Variants in HMCN1 observed in about 807,000 individuals in gnomAD.
HMCN1 encodes the protein hemicentin 1.
In HMCN1, 321 loss-of-function variants were observed where a neutral mutation model predicts 625.9. That is an observed-to-expected ratio of 0.51 (90% CI 0.47 to 0.56). HMCN1 has a LOEUF of 0.56. Ranked by LOEUF, HMCN1 falls within the 20% of genes least tolerant of loss-of-function variation. The probability of loss-of-function intolerance (pLI) is 0.00; values close to 1 mark genes in which losing one functional copy is unlikely to be tolerated. For synonymous variants in HMCN1, 2,425 were observed against 2,417.6 expected, an observed-to-expected ratio of 1.00 and a Z score of -0.09; for missense variants, 6,588 against 6,887.3, an observed-to-expected ratio of 0.96 and a Z score of 1.54.
intron 75 of HMCN1, among the ~76,000 whole-genome samples, chr1:186,115,834 A>G (rs1488402489): frequency 6.8e-6 from 1 of 147,910 alleles, no homozygotes; most frequent in Admixed American, 6.9e-5. Context: ...ATGTGTAGGG[A>G]GGAAAAACAG....
intron 1 of HMCN1, among the ~76,000 whole-genome samples, chr1:185,772,052 C>CA (rs1656277306): frequency 6.6e-6 from 1 of 152,126 alleles, no homozygotes; most frequent in African/African-American, 2.4e-5. Context: ...ATGGGCTTAA[C>CA]ACAGACAAGT....
chr1:185,994,996 C>A lies in HMCN1; in HGVS notation c.3687C>A (p.Asp1229Glu). 2 of 1,613,878 alleles carry A rather than the reference C, an allele frequency of 1.2e-6. No individual in the cohort carries two copies. The highest frequency in any genetic ancestry group is 1.3e-5 in the African/African-American group (1 of 75,010). Reference protein sequence around the residue: ...VSNPDGTLSIDQATPSDAGIY... With the variant: ...VSNPDGTLSIEQATPSDAGIY... Reference sequence around the variant, plus strand: ...ATCCAGACGGAACTTTAAGCATCGACCAAGCCACGCCCTCAGATGCTGGCA... The same window carrying A: ...ATCCAGACGGAACTTTAAGCATCGAACAAGCCACGCCCTCAGATGCTGGCA... The change falls in exon 24 of 107, where the codon GAC becomes GAA. Residue 1229 changes from aspartate (D) to glutamate (E), a missense_variant. By Grantham distance (45) the Asp-to-Glu change is conservative. Around this residue, in one of 3 missense-constraint regions of HMCN1, gnomAD observed 4,628 missense variants for 4,853.1 expected, o/e 0.95. Coordinates refer to ENST00000271588, the MANE Select transcript of HMCN1 (RefSeq NM_031935.3).
chr1:185,816,479 G>A (rs1418839800), intron 1 of HMCN1, among the ~76,000 whole-genome samples: 3 of 152,278 alleles, frequency 2.0e-5, no homozygotes, highest in South Asian at 2.1e-4. Flanking sequence ...ATTGGATATA[G>A]GAAAGGAGAT....
intron 104 of HMCN1, among the ~76,000 whole-genome samples, chr1:186,179,284 C>G (rs572673453): frequency 9.2e-5 from 14 of 152,114 alleles, no homozygotes; most frequent in Non-Finnish European, 1.9e-4. Flanking sequence ...TTGTACGTCA[C>G]TGAAAAGATA....
At position 185,767,926 on chromosome 1, in the gene HMCN1, T is replaced by C. The variant is rs1258861610; in HGVS notation, c.268+32879T>C. ...CTCTTGAAATGCTGATCTCATTTAC[T>C]TGCAGCCAGACTTGTTGAAAGATGG... On this transcript the variant is annotated intron_variant, in intron 1 of 106. Coordinates refer to ENST00000271588, the MANE Select transcript of HMCN1 (RefSeq NM_031935.3). Among the ~76,000 whole-genome samples, 3 of 152,200 alleles carry C rather than the reference T, an allele frequency of 2.0e-5. No individual in the cohort carries two copies. In the South Asian group the frequency reaches 6.2e-4, roughly 32 times the overall value.
chr1:186,164,656 T>A (rs1316068423), intron 97 of HMCN1, among the ~76,000 whole-genome samples: 1 of 152,186 alleles, frequency 6.6e-6, no homozygotes, highest in Non-Finnish European at 1.5e-5. Context: ...ATAGTGCTAA[T>A]GCGGGAGATC....
chr1:186,024,192 G>A (rs1654905188), intron 36 of HMCN1, among the ~76,000 whole-genome samples: 1 of 152,112 alleles, frequency 6.6e-6, no homozygotes, highest in African/African-American at 2.4e-5. Flanking sequence ...CGTTAGTTGG[G>A]AGACGAATAT....
At chr1:185,910,033 T>G (rs1304491127) in intron 5 of HMCN1, among the ~76,000 whole-genome samples, 2 of 152,174 alleles carry the variant, frequency 1.3e-5, no homozygotes, top group Non-Finnish European at 2.9e-5. Flanking sequence ...CCATATGATT[T>G]GTTTGGTACC....
intron 11 of HMCN1, among the ~76,000 whole-genome samples, chr1:185,950,815 G>A (rs1263122804): frequency 7.9e-5 from 12 of 151,928 alleles, no homozygotes; most frequent in African/African-American, 2.9e-4. Flanking sequence ...GTAGAGGCAG[G>A]TATTGAGGAT....
At chr1:186,150,980 A>G (rs569205710) in intron 93 of HMCN1, among the ~76,000 whole-genome samples, 6 of 152,240 alleles carry the variant, frequency 3.9e-5, no homozygotes, top group African/African-American at 1.4e-4. Context: ...TGATGTGCAC[A>G]GATTAGAAGG....
In HMCN1 at chr1:186,114,357, A is replaced by G. The variant is rs189351621; in HGVS notation, c.11276+234A>G. On this transcript the variant is annotated intron_variant, in intron 73 of 106. Transcript: ENST00000271588. ...TTGCAACCTCCACCTCCTGGGTTCA[A>G]TTGATTCTCCTGCCTCAGCCTCCCA... 9.1e-4 allele frequency among the ~76,000 whole-genome samples: 139 copies of G among 152,170 alleles called. 1 individual carries two copies. Among genetic ancestry groups the G allele is most frequent in the East Asian group, 1.9e-3 (10 of 5,174 alleles).
Position 186,125,718 on chromosome 1 carries a change from A to T in HMCN1, c.12614A>T (p.Asp4205Val), listed in dbSNP as rs766520525. ...ACACCAGCAATTAACTGGAAAAAAG[A>T]CAATGTTCTTTTAGCTAACTTGTTA... ...IPTPAINWKK[D>V]NVLLANLLGK... is the part of the protein sequence containing the mutation. The change falls in exon 82 of 107, where the codon GAC becomes GTC. Residue 4205 changes from aspartate to valine, a missense_variant. Transcript: ENST00000271588. The T allele has an allele frequency of 2.5e-6, 4 of 1,613,478 alleles. No individual in the cohort carries two copies. In the South Asian group the frequency reaches 4.4e-5, roughly 18 times the overall value.
At chr1:186,153,696 GA>G (rs1368554627) in intron 96 of HMCN1, 53 bp from the exon 97 acceptor site, 8 of 1,484,794 alleles carry the variant, frequency 5.4e-6, no homozygotes, top group African/African-American at 2.8e-5. Flanking sequence ...CCCCTTAAGG[GA>G]AAAAAATTAG....
chr1:186,180,572 A>G (rs17466882), intron 104 of HMCN1, among the ~76,000 whole-genome samples: 16,502 of 152,224 alleles, frequency 0.11, 1,116 homozygotes, highest in Middle Eastern at 0.17. Context: ...ATCACTATCT[A>G]TGGCTGCAGT....
intron 15 of HMCN1, among the ~76,000 whole-genome samples, chr1:185,975,344 A>G (rs945279179): frequency 3.9e-5 from 6 of 152,158 alleles, no homozygotes; most frequent in African/African-American, 1.4e-4. Flanking sequence ...GGGAGGACTC[A>G]GGAAACTTAT....
intron 11 of HMCN1, among the ~76,000 whole-genome samples, chr1:185,936,243 T>C (rs1667809578): frequency 6.6e-6 from 1 of 152,116 alleles, no homozygotes; most frequent in Admixed American, 6.6e-5. Flanking sequence ...TTTAAGATAG[T>C]ATATGTCTAA....
At chr1:186,012,769 A>G (rs1232098950) in intron 30 of HMCN1, among the ~76,000 whole-genome samples, 1 of 152,156 alleles carries the variant, frequency 6.6e-6, no homozygotes, top group African/African-American at 2.4e-5. Context: ...GAAATTTGCT[A>G]TGATAAAACA....
At chr1:185,926,433 C>T (rs1003635974) in intron 9 of HMCN1, among the ~76,000 whole-genome samples, 7 of 152,030 alleles carry the variant, frequency 4.6e-5, no homozygotes, top group East Asian at 1.9e-4. Flanking sequence ...CGTAATTGAC[C>T]GGGATATAAA....
At chr1:186,170,506 A>C (rs1652157623) in intron 100 of HMCN1, among the ~76,000 whole-genome samples, 2 of 152,218 alleles carry the variant, frequency 1.3e-5, no homozygotes, top group Non-Finnish European at 1.5e-5. Flanking sequence ...ACGTATGTTT[A>C]TTGAAGCACT....
Sources: allele counts gnomAD v4.1 joint callset (sites outside exome capture counted in the v4.1 genomes callset), GRCh38; gene constraint gnomAD v4.1.1; regional missense constraint gnomAD v4.1.1; transcripts MANE v1.5; gene names NCBI Gene and HGNC (gene_info 2026-07-23, HGNC 2026-07-21).